The following THADA variants were observed in gnomAD, a reference collection of about 807,000 sequenced individuals.
THADA encodes the protein tRNA (32-2'-O)-methyltransferase regulator THADA.
In THADA, 213 loss-of-function variants were observed where a neutral mutation model predicts 219.8. That is an observed-to-expected ratio of 0.97 (90% CI 0.87 to 1.09). THADA has a LOEUF of 1.09. Ranked by LOEUF, THADA falls within the 50% of genes least tolerant of loss-of-function variation. THADA has a pLI of 0.00. For missense variants in THADA, 2,956 were observed against 2,311.3 expected (o/e 1.28, Z -5.72); for synonymous variants, 1,018 against 828.9 (o/e 1.23, Z -3.92).
At chr2:43,454,346 A>T (rs1009681951) in intron 26 of THADA, among the ~76,000 whole-genome samples, 10 of 152,146 alleles carry the variant, frequency 6.6e-5, no homozygotes, top group Admixed American at 6.5e-4. Flanking sequence ...CATGCCTGTA[A>T]TCCCAACACT....
At position 43,292,105 on chromosome 2, in the gene THADA, T is replaced by C; in HGVS notation, c.4936A>G (p.Arg1646Gly). 1 of 1,598,360 alleles carries C rather than the reference T, an allele frequency of 6.3e-7. No homozygotes were observed. Among genetic ancestry groups the C allele is most frequent in the Non-Finnish European group, 8.5e-7 (1 of 1,172,672 alleles). ...IWTMDIASNERSEIQSVALRL... is the reference protein window; with the variant it reads ...IWTMDIASNEGSEIQSVALRL... ...GCACAGGAGGTTTTGGGGGCAAACC[T>C]TTCATTGGAAGCAATATCCATCGTC... Residue 1646 changes from arginine (R) to glycine (G), a missense_variant and splice_region_variant, in exon 33 of 38, where the codon AGA (arginine) becomes GGA (glycine). Coordinates refer to ENST00000405975, the MANE Select transcript of THADA (RefSeq NM_022065.5).
In THADA at chr2:43,398,157, CA is replaced by C; in HGVS notation, c.4059-19del. The C allele has an allele frequency of 4.3e-6, 7 of 1,611,604 alleles. No homozygotes were observed. Among genetic ancestry groups the C allele is most frequent in the Non-Finnish European group, 5.9e-6 (7 of 1,178,360 alleles). On this transcript the variant is annotated intron_variant, in intron 28 of 37. Transcript: ENST00000405975. ...GACCACACCTGGGGAGAAATAAAAACACAAGACCATTCAATAGTCATCTCCA... is the reference window on the plus strand; with the variant it reads ...GACCACACCTGGGGAGAAATAAAAACCAAGACCATTCAATAGTCATCTCCA...
chr2:43,518,043 C>T (rs1308304652), intron 22 of THADA, among the ~76,000 whole-genome samples: 6 of 152,160 alleles, frequency 3.9e-5, no homozygotes, highest in Non-Finnish European at 5.9e-5. Context: ...ATCTTCCTTA[C>T]CACCAAACTT....
intron 30 of THADA, among the ~76,000 whole-genome samples, chr2:43,332,126 C>T (rs1044364650): frequency 1.3e-5 from 2 of 152,164 alleles, no homozygotes; most frequent in Non-Finnish European, 2.9e-5. Context: ...TGCTCTGTCA[C>T]CCAGGCCGGA....
chr2:43,445,037 T>A (rs1290685796), intron 26 of THADA, among the ~76,000 whole-genome samples: 1 of 152,134 alleles, frequency 6.6e-6, no homozygotes, highest in East Asian at 1.9e-4. Context: ...AGTATTTCAA[T>A]CGGGAAGCCA....
At chr2:43,439,114 A>G (rs912946230) in intron 26 of THADA, among the ~76,000 whole-genome samples, 3 of 152,244 alleles carry the variant, frequency 2.0e-5, no homozygotes, top group Non-Finnish European at 4.4e-5. Context: ...ACGAAATCAC[A>G]GAAAGCGAAA....
At chr2:43,337,074 T>G (rs1666542688) in intron 30 of THADA, among the ~76,000 whole-genome samples, 1 of 152,192 alleles carries the variant, frequency 6.6e-6, no homozygotes, top group Non-Finnish European at 1.5e-5. Context: ...AAAAGAAATG[T>G]AAATCCTCCA....
At chr2:43,568,979 A>C (rs1476932393) in intron 14 of THADA, among the ~76,000 whole-genome samples, 1 of 152,074 alleles carries the variant, frequency 6.6e-6, no homozygotes, top group East Asian at 1.9e-4. Flanking sequence ...TTATTTATTA[A>C]TTTTTTTGAA....
intron 26 of THADA, among the ~76,000 whole-genome samples, chr2:43,443,537 G>A (rs1681120368): frequency 6.6e-6 from 1 of 152,058 alleles, no homozygotes; most frequent in Non-Finnish European, 1.5e-5. Context: ...CCAGTGACAG[G>A]CATTTCAAAC....
rs745523104 is a variant in THADA, at chr2:43,570,463, C to T, written c.2112G>A (p.Glu704=). 13 of 1,613,096 alleles carry T rather than the reference C, an allele frequency of 8.1e-6. No homozygotes were observed. The East Asian group carries it at 2.9e-4, about 36-fold the overall frequency. The change falls in exon 14 of 38, where the codon GAG becomes GAA. Residue 704 remains glutamate (E), a synonymous_variant. Coordinates refer to ENST00000405975, the MANE Select transcript of THADA (RefSeq NM_022065.5). ...CTGGTTCACGTTTGGATTTACTCTG[C>T]TCCAATTTATAAAGTACCTGAGAAC... is the stretch of plus-strand genomic sequence containing the variant. ...QESSQVLYKL[E]QSKSKREPEN... is the part of the protein sequence containing the mutation.
At chr2:43,349,031 A>G (rs778492616) in intron 29 of THADA, among the ~76,000 whole-genome samples, 156 of 152,332 alleles carry the variant, frequency 1.0e-3, no homozygotes, top group Non-Finnish European at 1.7e-3. Context: ...TGACCCAATC[A>G]GAAAAAGACT....
At chr2:43,296,944 C>A (rs1157387758) in intron 31 of THADA, among the ~76,000 whole-genome samples, 1 of 147,208 alleles carries the variant, frequency 6.8e-6, no homozygotes, top group African/African-American at 2.5e-5. Flanking sequence ...AGATTGCAGC[C>A]TCTGCCCGGC....
chr2:43,583,339 C>G (rs1233681764), intron 7 of THADA, among the ~76,000 whole-genome samples: 1 of 152,192 alleles, frequency 6.6e-6, no homozygotes, highest in Admixed American at 6.6e-5. Flanking sequence ...CATCTAGAAT[C>G]AGACCAACTC....
intron 28 of THADA, among the ~76,000 whole-genome samples, chr2:43,400,812 C>A (rs573994618): frequency 6.6e-6 from 1 of 152,172 alleles, no homozygotes; most frequent in South Asian, 2.1e-4. Flanking sequence ...TCAGTATACT[C>A]CAGAATTACA....
At chr2:43,512,721 C>G (rs935067908) in intron 22 of THADA, among the ~76,000 whole-genome samples, 5 of 152,186 alleles carry the variant, frequency 3.3e-5, no homozygotes, top group African/African-American at 1.2e-4. Context: ...GGGCTGATCT[C>G]GAACTCCCAA....
intron 29 of THADA, among the ~76,000 whole-genome samples, chr2:43,362,173 T>C (rs184155029): frequency 3.9e-5 from 6 of 152,348 alleles, no homozygotes; most frequent in East Asian, 1.9e-4. Flanking sequence ...TTTTACCTTA[T>C]TCAAAGGAAG....
chr2:43,373,843 A>C (rs1671074432), intron 29 of THADA, among the ~76,000 whole-genome samples: 1 of 152,192 alleles, frequency 6.6e-6, no homozygotes. Context: ...AATATTACCA[A>C]CAGATGTTCT....
chr2:43,380,577 CAT>C (rs1671891458), intron 29 of THADA, among the ~76,000 whole-genome samples: 2 of 152,158 alleles, frequency 1.3e-5, no homozygotes, highest in Admixed American at 6.5e-5. Context: ...CAGAAATAGA[CAT>C]GTGTGCATAA....
At chr2:43,295,139 G>C (rs973119571) in intron 31 of THADA, among the ~76,000 whole-genome samples, 1 of 152,226 alleles carries the variant, frequency 6.6e-6, no homozygotes, top group South Asian at 2.1e-4. Context: ...TTGAGCCCAG[G>C]AGGTTGAGGA....
Sources: gnomAD v4.1 joint callset for allele counts (sites outside exome capture counted in the v4.1 genomes callset) on GRCh38, gnomAD v4.1.1 for gene constraint, MANE v1.5 for transcripts, NCBI Gene and HGNC (gene_info 2026-07-23, HGNC 2026-07-21) for gene names.